Variants in NKAIN2 observed in about 807,000 individuals in gnomAD.
NKAIN2 encodes sodium/potassium-transporting ATPase subunit beta-1-interacting protein 2.
NKAIN2 carries 14 observed loss-of-function variants against 32.6 expected under a neutral mutation model. The ratio of observed to expected loss-of-function variants is 0.43; its 90% CI spans 0.28 to 0.67. NKAIN2 has a LOEUF of 0.67. Ranked by LOEUF, NKAIN2 falls within the 30% of genes least tolerant of loss-of-function variation. NKAIN2 has a pLI of 0.17. For synonymous variants in NKAIN2, 80 were observed against 87.2 expected (o/e 0.92, Z 0.46); for missense variants, 198 against 258.3 (o/e 0.77, Z 1.60).
At chr6:123,857,463 G>GT (rs376006105) in intron 1 of NKAIN2, among the ~76,000 whole-genome samples, 171 of 149,616 alleles carry the variant, frequency 1.1e-3, no homozygotes, top group African/African-American at 4.1e-3. Context: ...ATGCAACTAT[G>GT]TTTTTTTACA....
chr6:123,857,224 A>G (rs552431908), intron 1 of NKAIN2, among the ~76,000 whole-genome samples: 7 of 151,730 alleles, frequency 4.6e-5, no homozygotes, highest in Admixed American at 4.6e-4. Flanking sequence ...ACCCTGTACC[A>G]GCAGGACCTC....
At chr6:124,604,536 G>A (rs759689134) in intron 3 of NKAIN2, among the ~76,000 whole-genome samples, 12 of 151,518 alleles carry the variant, frequency 7.9e-5, no homozygotes, top group Non-Finnish European at 1.5e-4. Context: ...CATCAGAATA[G>A]ATGAATTTAT....
At chr6:124,484,990 C>T (rs1046475789) in intron 3 of NKAIN2, among the ~76,000 whole-genome samples, 8 of 152,092 alleles carry the variant, frequency 5.3e-5, no homozygotes, top group African/African-American at 1.9e-4. Context: ...ATACAAAATA[C>T]ATCAAAAGAT....
intron 1 of NKAIN2, among the ~76,000 whole-genome samples, chr6:124,042,912 C>T (rs73770318): frequency 0.035 from 5,374 of 151,888 alleles, 322 homozygotes; most frequent in African/African-American, 0.12. Context: ...AATGTTAGGA[C>T]AAATGGAAAA....
intron 5 of NKAIN2, among the ~76,000 whole-genome samples, chr6:124,809,635 G>C (rs1402847288): frequency 6.7e-6 from 1 of 149,728 alleles, no homozygotes; most frequent in Non-Finnish European, 1.5e-5. Context: ...TGACAAATGG[G>C]ATCTAATGAA....
chr6:124,469,584 T>A (rs541820046), intron 3 of NKAIN2, among the ~76,000 whole-genome samples: 109 of 152,308 alleles, frequency 7.2e-4, no homozygotes, highest in Non-Finnish European at 1.1e-3. Context: ...TAAACAACAA[T>A]CATATAAAGC....
chr6:124,655,690 G>A (rs146957617), intron 3 of NKAIN2, among the ~76,000 whole-genome samples: 64 of 152,222 alleles, frequency 4.2e-4, no homozygotes, highest in African/African-American at 1.4e-3. Flanking sequence ...CACTGTCACT[G>A]CTTTGGGCTC....
At chr6:124,133,499 C>T (rs1002661632) in intron 1 of NKAIN2, among the ~76,000 whole-genome samples, 3 of 152,186 alleles carry the variant, frequency 2.0e-5, no homozygotes, top group Admixed American at 1.3e-4. Context: ...TTAGATATTA[C>T]ATCTACCCAC....
chr6:124,195,498 T>C (rs1023476918), intron 1 of NKAIN2, among the ~76,000 whole-genome samples: 2 of 152,138 alleles, frequency 1.3e-5, no homozygotes, highest in African/African-American at 4.8e-5. Flanking sequence ...TAACTGCACA[T>C]TCATATATAT....
chr6:123,841,131 A>C (rs1015251943), intron 1 of NKAIN2, among the ~76,000 whole-genome samples: 10 of 152,202 alleles, frequency 6.6e-5, no homozygotes, highest in African/African-American at 9.6e-5. Flanking sequence ...CTAGTCTAGA[A>C]AGTGTGAATA....
chr6:124,028,759 G>C (rs535621169), intron 1 of NKAIN2, among the ~76,000 whole-genome samples: 4,747 of 147,668 alleles, frequency 0.032, 254 homozygotes, highest in African/African-American at 0.11. Context: ...ATATATACAA[G>C]TATATAAGTG....
intron 1 of NKAIN2, among the ~76,000 whole-genome samples, chr6:123,810,646 CTTT>C (rs35365993): frequency 6.8e-6 from 1 of 146,486 alleles, no homozygotes; most frequent in Non-Finnish European, 1.5e-5. Flanking sequence ...AAAATATATT[CTTT>C]TTTTTTTTTA....
chr6:124,587,624 G>T (rs561218971), intron 3 of NKAIN2, among the ~76,000 whole-genome samples: 5 of 152,162 alleles, frequency 3.3e-5, no homozygotes, highest in Non-Finnish European at 7.3e-5. Flanking sequence ...GCTGGCCCCA[G>T]GCCCAGGGCC....
intron 4 of NKAIN2, among the ~76,000 whole-genome samples, chr6:124,681,111 G>T (rs1192363174): frequency 1.3e-5 from 2 of 151,880 alleles, no homozygotes; most frequent in Non-Finnish European, 2.9e-5. Context: ...TCATACAGCT[G>T]AATCCTTCCA....
chr6:124,391,303 G>A (rs546656824), intron 3 of NKAIN2, among the ~76,000 whole-genome samples: 2 of 152,198 alleles, frequency 1.3e-5, no homozygotes, highest in Admixed American at 6.5e-5. Flanking sequence ...GTTTATATGT[G>A]TGGGCAAAAG....
intron 3 of NKAIN2, among the ~76,000 whole-genome samples, chr6:124,363,613 A>G (rs1799389165): frequency 6.6e-6 from 1 of 152,222 alleles, no homozygotes; most frequent in Non-Finnish European, 1.5e-5. Flanking sequence ...GAAGGACTCT[A>G]TAGAATAAAC....
intron 1 of NKAIN2, among the ~76,000 whole-genome samples, chr6:124,089,944 C>G (rs1784347761): frequency 6.6e-6 from 1 of 151,910 alleles, no homozygotes; most frequent in African/African-American, 2.4e-5. Context: ...CCAGAGTCAT[C>G]TCTCTTAGCC....
At chr6:124,378,571 A>C (rs1017553393) in intron 3 of NKAIN2, among the ~76,000 whole-genome samples, 1 of 152,126 alleles carries the variant, frequency 6.6e-6, no homozygotes, top group Non-Finnish European at 1.5e-5. Context: ...AAGAATTACA[A>C]GTGAGAAAGT....
At chr6:123,947,564 A>C (rs170981) in intron 1 of NKAIN2, among the ~76,000 whole-genome samples, 1 of 151,854 alleles carries the variant, frequency 6.6e-6, no homozygotes, top group African/African-American at 2.4e-5. Flanking sequence ...TACTTTTTTT[A>C]AGCCATAGCC....
Sources: allele counts gnomAD v4.1 joint callset (sites outside exome capture counted in the v4.1 genomes callset), GRCh38; gene constraint gnomAD v4.1.1; transcripts MANE v1.5; gene names NCBI Gene and HGNC (gene_info 2026-07-23, HGNC 2026-07-21).